Variants in FREM2 observed in about 807,000 individuals in gnomAD.
The protein encoded by FREM2 is FRAS1 related extracellular matrix 2, also known as FRAS1-related extracellular matrix protein 2.
A neutral mutation model predicts 219.9 loss-of-function variants in FREM2; 119 were observed. The observed-to-expected ratio is 0.54, with a 90% CI of 0.47 to 0.63. The LOEUF is 0.63. Among genes scored for constraint, FREM2 ranks in the 30% least tolerant of loss-of-function variants. The pLI, the probability that FREM2 is intolerant of heterozygous loss-of-function variation, is 0.00. For missense variants in FREM2, 4,030 were observed against 3,993.6 expected (o/e 1.01, Z -0.25); for synonymous variants, 1,562 against 1,522.8 (o/e 1.03, Z -0.60).
intron 4 of FREM2, among the ~76,000 whole-genome samples, chr13:38,781,242 T>C (rs1304802415): frequency 6.6e-6 from 1 of 152,162 alleles, no homozygotes; most frequent in Non-Finnish European, 1.5e-5. Flanking sequence ...TTTTCACTTG[T>C]CCATCCATTT....
Position 38,722,801 on chromosome 13 carries a change from A to G in FREM2, c.5263+25014A>G, listed in dbSNP as rs180835606. On this transcript the variant is annotated intron_variant, in intron 2 of 23. Transcript: ENST00000280481. Reference sequence around the variant, plus strand: ...CCACGTGACCTCAGAGATTCAATCTATGGCCCAGAGTTAATATCAAACATA... The same window carrying G: ...CCACGTGACCTCAGAGATTCAATCTGTGGCCCAGAGTTAATATCAAACATA... 2.4e-3 allele frequency among the ~76,000 whole-genome samples: 351 copies of G among 148,938 alleles called. 6 individuals carry two copies. The highest frequency in any genetic ancestry group is 8.4e-3 in the African/African-American group (338 of 40,172).
chr13:38,693,490 G>A (rs1869983623), intron 1 of FREM2, among the ~76,000 whole-genome samples: 2 of 152,186 alleles, frequency 1.3e-5, no homozygotes, highest in South Asian at 4.1e-4. Flanking sequence ...ATTTAGTGAG[G>A]GAAGGGAGAA....
intron 2 of FREM2, among the ~76,000 whole-genome samples, chr13:38,703,099 C>T (rs1439570264): frequency 6.6e-6 from 1 of 152,110 alleles, no homozygotes; most frequent in African/African-American, 2.4e-5. Context: ...CACAAAGAGA[C>T]TACCGGAAGC....
At chr13:38,708,410 T>C (rs1870626107) in intron 2 of FREM2, among the ~76,000 whole-genome samples, 1 of 152,138 alleles carries the variant, frequency 6.6e-6, no homozygotes, top group Non-Finnish European at 1.5e-5. Flanking sequence ...TCCCAGCATC[T>C]TGGGAGGCTA....
chr13:38,797,076 C>T lies in FREM2; in HGVS notation c.6019+12268C>T, dbSNP rs117887186. ...AATTTTTTGTAGAGATGGGGTCTCT[C>T]TATGTTGCCCAGGCTGGTCTAGAAC... On this transcript the variant is annotated intron_variant, in intron 6 of 23. Transcript: ENST00000280481. Among the ~76,000 whole-genome samples, 954 of 152,020 alleles carry T rather than the reference C, an allele frequency of 6.3e-3. 43 individuals are homozygous for T. The East Asian group carries it at 0.13, about 21-fold the overall frequency.
chr13:38,860,711 C>T (rs767776704), intron 14 of FREM2, among the ~76,000 whole-genome samples: 1 of 152,122 alleles, frequency 6.6e-6, no homozygotes, highest in Non-Finnish European at 1.5e-5. Context: ...TATAATTCAG[C>T]GTCTTGGTTC....
intron 1 of FREM2, among the ~76,000 whole-genome samples, chr13:38,694,996 A>G (rs1870046649): frequency 6.6e-6 from 1 of 152,208 alleles, no homozygotes; most frequent in Non-Finnish European, 1.5e-5. Context: ...AGAATTAAAA[A>G]CAAACAAACA....
At chr13:38,798,122 G>A (rs957181484) in intron 6 of FREM2, among the ~76,000 whole-genome samples, 8 of 151,938 alleles carry the variant, frequency 5.3e-5, no homozygotes, top group African/African-American at 1.9e-4. Flanking sequence ...GTTATATATG[G>A]CCTTTATTAT....
intron 2 of FREM2, among the ~76,000 whole-genome samples, chr13:38,759,311 C>G (rs961864750): frequency 1.3e-5 from 2 of 152,120 alleles, no homozygotes; most frequent in Non-Finnish European, 2.9e-5. Context: ...TGAATGGACA[C>G]GTCCCCTTTA....
At chr13:38,789,298 A>G (rs1202481220) in intron 6 of FREM2, among the ~76,000 whole-genome samples, 2 of 151,928 alleles carry the variant, frequency 1.3e-5, no homozygotes, top group Non-Finnish European at 2.9e-5. Flanking sequence ...AAGTTTTATT[A>G]ATGTATTTTT....
At position 38,690,036 on chromosome 13, in the gene FREM2, G is replaced by T. The variant is rs1430012621; in HGVS notation, c.2692G>T (p.Gly898Cys). ...CTTCCACTTGGAGGACATAAAACAG[G>T]GCCGAGTTTCCTATGCCCATAATGG... Reference protein sequence around the residue: ...GLFHLEDIKQGRVSYAHNGDK... With the variant: ...GLFHLEDIKQCRVSYAHNGDK... Residue 898 changes from glycine (G) to cysteine (C), a missense_variant, in exon 1 of 24, where the codon GGC becomes TGC. Coordinates refer to ENST00000280481, the MANE Select transcript of FREM2 (RefSeq NM_207361.6). The T allele has an allele frequency of 3.1e-6, 5 of 1,613,746 alleles. No individual in the cohort carries two copies. The highest frequency in any genetic ancestry group is 3.4e-6 in the Non-Finnish European group (4 of 1,180,036).
At chr13:38,750,450 G>A (rs1033136735) in intron 2 of FREM2, among the ~76,000 whole-genome samples, 4 of 64,700 alleles carry the variant, frequency 6.2e-5, no homozygotes, top group Non-Finnish European at 8.8e-5. Context: ...GCTGCAAATG[G>A]CAAGAGTTCA....
intron 23 of FREM2, among the ~76,000 whole-genome samples, chr13:38,880,076 C>T (rs538477803): frequency 5.9e-5 from 9 of 152,192 alleles, no homozygotes; most frequent in Non-Finnish European, 1.3e-4. Context: ...ATCACATATT[C>T]ACTCCCTTAA....
chr13:38,730,599 T>C (rs1871724928), intron 2 of FREM2, among the ~76,000 whole-genome samples: 1 of 152,204 alleles, frequency 6.6e-6, no homozygotes, highest in Admixed American at 6.5e-5. Context: ...AAGTAAAAAT[T>C]ATACCTGACC....
At chr13:38,874,421 T>A in intron 17 of FREM2, 61 bp from the exon 18 acceptor site, 1 of 1,310,984 alleles carries the variant, frequency 7.6e-7, no homozygotes, top group Admixed American at 1.7e-5. Flanking sequence ...TTGGAAGGAA[T>A]CTGTACATAA....
intron 6 of FREM2, among the ~76,000 whole-genome samples, chr13:38,811,424 A>C (rs779852758): frequency 2.0e-5 from 3 of 151,844 alleles, no homozygotes; most frequent in Non-Finnish European, 4.4e-5. Flanking sequence ...CTGTTTTTTG[A>C]TGTAAGCATT....
intron 2 of FREM2, among the ~76,000 whole-genome samples, chr13:38,754,885 TGATG>T (rs1872921573): frequency 3.0e-5 from 3 of 100,438 alleles, no homozygotes; most frequent in African/African-American, 7.0e-5. Flanking sequence ...ATGATGATGA[TGATG>T]ATGATGATGA....
chr13:38,873,497 TG>T (rs1018649154), intron 17 of FREM2, among the ~76,000 whole-genome samples: 5 of 152,204 alleles, frequency 3.3e-5, no homozygotes, highest in Non-Finnish European at 7.3e-5. Context: ...TCTATTACTC[TG>T]GGGTACTTTA....
chr13:38,812,530 T>C (rs555414192), intron 6 of FREM2, among the ~76,000 whole-genome samples: 1 of 152,264 alleles, frequency 6.6e-6, no homozygotes, highest in South Asian at 2.1e-4. Flanking sequence ...TTTAAACTAA[T>C]GACAACAACA....
Sources: gnomAD v4.1 joint callset for allele counts (sites outside exome capture counted in the v4.1 genomes callset) on GRCh38, gnomAD v4.1.1 for gene constraint, MANE v1.5 for transcripts, NCBI Gene and HGNC (gene_info 2026-07-23, HGNC 2026-07-21) for gene names.